LAMC3: variants seen among roughly 807,000 people sequenced by gnomAD.
LAMC3 encodes the protein laminin subunit gamma-3.
A neutral mutation model predicts 173.8 loss-of-function variants in LAMC3; 128 were observed. That is an observed-to-expected ratio of 0.74 (90% confidence interval 0.64 to 0.85). The LOEUF is 0.85. Ranked by LOEUF, LAMC3 falls within the 40% of genes least tolerant of loss-of-function variation. The pLI is 0.00. For synonymous variants in LAMC3, 897 were observed against 909.1 expected (o/e 0.99, Z 0.24); for missense variants, 2,022 against 2,156.0 (o/e 0.94, Z 1.23).
chr9:131,011,551 C>A (rs1007584858), intron 1 of LAMC3, among the ~76,000 whole-genome samples: 2 of 152,064 alleles, frequency 1.3e-5, no homozygotes, highest in Admixed American at 1.3e-4. Context: ...CACACAGGTA[C>A]TGGCTGCCAC....
Position 131,041,177 on chromosome 9 carries a change from G to A in LAMC3, c.1284-460G>A, listed in dbSNP as rs1257693491. Among the ~76,000 whole-genome samples, 7 of 152,204 alleles carry A rather than the reference G, an allele frequency of 4.6e-5. No individual in the cohort carries two copies. In the East Asian group the frequency reaches 1.4e-3, roughly 29 times the overall value. On this transcript the variant is annotated intron_variant, in intron 6 of 27. Transcript: ENST00000361069. ...AGGTCACGAGTTAAAGACCAGTCTA[G>A]CCAACATGGTGAAACCCTGTCTCTA... is the stretch of plus-strand genomic sequence containing the variant.
At position 131,079,276 on chromosome 9, in the gene LAMC3, G is replaced by C. The variant is rs758528347; in HGVS notation, c.3905G>C (p.Arg1302Pro). 6.2e-7 allele frequency: 1 copy of C among 1,614,158 alleles called. No homozygotes were observed. Among genetic ancestry groups the C allele is most frequent in the South Asian group, 1.1e-5 (1 of 91,076 alleles). Residue 1302 changes from arginine (R) to proline (P), a missense_variant, in exon 23 of 28, where the codon CGG becomes CCG. By Grantham distance (103) the Arg-to-Pro change is moderately radical (BLOSUM62 -2). Coordinates refer to ENST00000361069, the MANE Select transcript of LAMC3 (RefSeq NM_006059.4). ...TLQTAAQATL[R>P]QTEPLTKLHQ... ...CAGACTGCTGCCCAGGCGACGCTAC[G>C]GCAAACAGAACCCCTCACAAAGGTC...
At chr9:131,054,305 C>T (rs981772983) in intron 11 of LAMC3, among the ~76,000 whole-genome samples, 2 of 152,120 alleles carry the variant, frequency 1.3e-5, no homozygotes, top group African/African-American at 4.8e-5. Flanking sequence ...TCCAAGGGTG[C>T]TGGGATGCCC....
chr9:131,056,879 T>C, intron 11 of LAMC3, 50 bp from the exon 12 acceptor site: 1 of 1,448,980 alleles, frequency 6.9e-7, no homozygotes. Flanking sequence ...GGGAAGCATG[T>C]GCAGGGAGCT....
intron 23 of LAMC3, among the ~76,000 whole-genome samples, chr9:131,081,582 C>T (rs554515110): frequency 6.6e-6 from 1 of 152,210 alleles, no homozygotes; most frequent in African/African-American, 2.4e-5. Context: ...GCCATACTCC[C>T]GCCTCAGCCT....
chr9:131,066,416 A>G (rs1165985216), intron 13 of LAMC3, among the ~76,000 whole-genome samples: 1 of 150,494 alleles, frequency 6.6e-6, no homozygotes, highest in African/African-American at 2.4e-5. Flanking sequence ...GCTTGAACCC[A>G]GGAGGCAGAG....
At chr9:131,054,764 AAG>A (rs908214207) in intron 11 of LAMC3, among the ~76,000 whole-genome samples, 5 of 146,298 alleles carry the variant, frequency 3.4e-5, no homozygotes, top group South Asian at 2.3e-4. Flanking sequence ...AAGAAAAAGA[AAG>A]AGAGAGGGGA....
Position 131,014,945 on chromosome 9 carries a change from C to T in LAMC3, c.373+5358C>T, listed in dbSNP as rs537300549. Among the ~76,000 whole-genome samples, 3 of 152,310 alleles carry T rather than the reference C, an allele frequency of 2.0e-5. No individual in the cohort carries two copies. In the East Asian group the frequency reaches 5.8e-4, roughly 29 times the overall value. The stretch of plus-strand genomic sequence containing the variant: ...CTGTAGTGATCACACCACTGCACTC[C>T]AGCCTGGGCAACAGAGCGAGACCCT... On this transcript the variant is annotated intron_variant, in intron 1 of 27. Coordinates refer to ENST00000361069, the MANE Select transcript of LAMC3 (RefSeq NM_006059.4).
chr9:131,052,996 C>T (rs778991787), intron 11 of LAMC3, 31 bp downstream of exon 11: 9 of 1,496,716 alleles, frequency 6.0e-6, no homozygotes, highest in African/African-American at 1.4e-5. Context: ...GCCCAAGACC[C>T]GAGTGCTTGC....
chr9:131,072,998 G>A (rs1346830204), intron 19 of LAMC3, among the ~76,000 whole-genome samples, 163 bp downstream of exon 19: 3 of 152,168 alleles, frequency 2.0e-5, no homozygotes, highest in East Asian at 1.9e-4. Flanking sequence ...TGGATTCAGC[G>A]AGAGGATGTT....
At position 131,032,266 on chromosome 9, in the gene LAMC3, C is replaced by G. The variant is rs1259506977; in HGVS notation, c.809+91C>G. On this transcript the variant is annotated intron_variant, in intron 3 of 27. Transcript: ENST00000361069. ...TGCTGTGGGGTGGGGGGTGGGGGGG[C>G]ACAGAAGCCAGGTGTGCCCCAGGGG... 3.8e-6 allele frequency: 3 copies of G among 781,842 alleles called. No homozygotes were observed. In the Admixed American group the frequency reaches 5.5e-5, roughly 14 times the overall value. 48.4% of individuals were successfully genotyped at this position (781,842 alleles called of 1,614,324 possible). A position where few individuals can be genotyped will look rare whatever the true frequency, so the allele number is the denominator to read the frequency against.
rs1288794342 is a variant in LAMC3 at position 131,052,693 on chromosome 9, C to T, written c.1823+10C>T. Reference sequence around the variant, plus strand: ...TAGAGCTCAGGTTCCAGTAAGTATCCCCTTCTGTCCTGAGAGATGGGGAGG... The same window carrying T: ...TAGAGCTCAGGTTCCAGTAAGTATCTCCTTCTGTCCTGAGAGATGGGGAGG... On this transcript the variant is annotated intron_variant, in intron 10 of 27. Transcript: ENST00000361069. 1.2e-6 allele frequency: 2 copies of T among 1,611,216 alleles called. No individual in the cohort carries two copies. The highest frequency in any genetic ancestry group is 3.3e-5 in the Admixed American group (2 of 59,930).
chr9:131,024,484 G>A (rs570952024), intron 1 of LAMC3, among the ~76,000 whole-genome samples: 27 of 152,238 alleles, frequency 1.8e-4, no homozygotes, highest in African/African-American at 6.5e-4. Context: ...TTCAGCAGAC[G>A]ACTAGGGTGG....
intron 12 of LAMC3, among the ~76,000 whole-genome samples, chr9:131,060,307 C>T (rs1829782134): frequency 6.6e-6 from 1 of 152,162 alleles, no homozygotes; most frequent in Admixed American, 6.5e-5. Flanking sequence ...GAATGGTAGC[C>T]ATGTCACCTT....
chr9:131,060,959 C>T (rs1829796725), intron 12 of LAMC3, 76 bp from the exon 13 acceptor site: 1 of 1,495,158 alleles, frequency 6.7e-7, no homozygotes, highest in Non-Finnish European at 9.3e-7. Context: ...GATGTGCTCC[C>T]TAACCTCTCC....
rs12005126 is a variant in LAMC3 at position 131,042,893 on chromosome 9, C to G, written c.1382+1158C>G. ...TCACAACCCTCCCCTTTCATACCCACAGCAGACATCACTAATGGAGCACCA... is the reference window on the plus strand; with the variant it reads ...TCACAACCCTCCCCTTTCATACCCAGAGCAGACATCACTAATGGAGCACCA... On this transcript the variant is annotated intron_variant, in intron 7 of 27. Coordinates refer to ENST00000361069, the MANE Select transcript of LAMC3 (RefSeq NM_006059.4). 6.3e-3 allele frequency among the ~76,000 whole-genome samples: 956 copies of G among 151,990 alleles called. 8 individuals are homozygous for G. The highest frequency in any genetic ancestry group is 0.022 in the African/African-American group (906 of 41,396).
intron 27 of LAMC3, among the ~76,000 whole-genome samples, chr9:131,089,481 G>A (rs1399565057): frequency 6.6e-6 from 1 of 151,590 alleles, no homozygotes; most frequent in Non-Finnish European, 1.5e-5. Flanking sequence ...GGGCTCAAGC[G>A]ATTCTTCCAC....
At chr9:131,047,326 A>G (rs1265755356) in intron 8 of LAMC3, among the ~76,000 whole-genome samples, 2 of 150,462 alleles carry the variant, frequency 1.3e-5, no homozygotes, top group Non-Finnish European at 3.0e-5. Flanking sequence ...CACCACGCCC[A>G]GCTTATTTTT....
At position 131,026,106 on chromosome 9, in the gene LAMC3, C is replaced by A. The variant is rs970872353; in HGVS notation, c.374-179C>A. On this transcript the variant is annotated intron_variant, in intron 1 of 27. Transcript: ENST00000361069. This position sits in a 1 kb window ranked among gnomAD's most constrained non-coding sequence, Gnocchi z 4.8. ...ACTTGGGAAGCATGTGGGCATTGTC[C>A]TTTCCAGTGCCCCAGCAGGCATCAT... Among the ~76,000 whole-genome samples, 2 of 152,178 alleles carry A rather than the reference C, an allele frequency of 1.3e-5. No homozygotes were observed. The highest frequency in any genetic ancestry group is 2.9e-5 in the Non-Finnish European group (2 of 68,014).
Sources: allele counts gnomAD v4.1 joint callset (sites outside exome capture counted in the v4.1 genomes callset), GRCh38; gene constraint gnomAD v4.1.1; non-coding constraint Gnocchi (gnomAD v3.1); transcripts MANE v1.5; gene names NCBI Gene and HGNC (gene_info 2026-07-23, HGNC 2026-07-21).